The following HERC2 variants were observed in gnomAD, a reference collection of about 807,000 sequenced individuals.
The protein encoded by HERC2 is HECT and RLD domain containing E3 ubiquitin protein ligase 2, also known as E3 ubiquitin-protein ligase HERC2.
HERC2 carries 102 observed loss-of-function variants against 537.7 expected under a neutral mutation model. The ratio of observed to expected loss-of-function variants is 0.19; its 90% confidence interval spans 0.16 to 0.22. HERC2 has a LOEUF of 0.22. HERC2 is among the 10% of genes least tolerant of loss of function. The pLI is 1.00. For missense variants in HERC2, 4,236 were observed against 6,198.2 expected (o/e 0.68, Z 10.63); for synonymous variants, 2,224 against 2,466.2 (o/e 0.90, Z 2.91).
intron 37 of HERC2, 29 bp downstream of exon 37, chr15:28,220,423 T>C: frequency 1.2e-6 from 2 of 1,600,806 alleles, no homozygotes; most frequent in East Asian, 4.5e-5. Context: ...TGGGCTGCCT[T>C]GGACTAAACA....
intron 69 of HERC2, among the ~76,000 whole-genome samples, chr15:28,159,887 T>C (rs1893400258): frequency 1.3e-5 from 2 of 152,234 alleles, no homozygotes; most frequent in African/African-American, 2.4e-5. Context: ...TCTTTGATGA[T>C]GGTGATGTAC....
At position 28,146,363 on chromosome 15, in the gene HERC2, C is replaced by G; in HGVS notation, c.10901-19G>C. 4.5e-6 allele frequency: 7 copies of G among 1,545,728 alleles called. No homozygotes were observed. Among genetic ancestry groups the G allele is most frequent in the Non-Finnish European group, 6.3e-6 (7 of 1,117,854 alleles). ...TCTGCACCTGAAGGACAGGCAAGCA[C>G]AAAACATAGCAACCACTCCAGATCA... On this transcript the variant is annotated intron_variant, in intron 70 of 92. Transcript: ENST00000261609.
At chr15:28,182,922 T>C (rs1222129711) in intron 56 of HERC2, among the ~76,000 whole-genome samples, 1 of 152,164 alleles carries the variant, frequency 6.6e-6, no homozygotes, top group East Asian at 1.9e-4. Flanking sequence ...GGTCTGGCCT[T>C]GCAGCACTAT....
intron 69 of HERC2, among the ~76,000 whole-genome samples, chr15:28,154,844 C>T (rs1230022003): frequency 6.6e-6 from 1 of 152,000 alleles, no homozygotes; most frequent in Non-Finnish European, 1.5e-5. Flanking sequence ...TACACATGTG[C>T]CATGTTGTTG....
intron 45 of HERC2, among the ~76,000 whole-genome samples, chr15:28,204,360 A>T (rs1596216931): frequency 6.6e-6 from 1 of 152,302 alleles, no homozygotes; most frequent in South Asian, 2.1e-4. Context: ...GGTGGCTCAC[A>T]CCTGTAATCC....
chr15:28,177,460 C>G lies in HERC2; in HGVS notation c.9213G>C (p.Trp3071Cys). ...CAAGTTTTCCATCGTCACCTTCGCC[C>G]CACGAAAACACTTTTCCATCGACAG... ...ALTVDGKVFS[W>C]GEGDDGKLGH... The change falls in exon 60 of 93, where the codon TGG becomes TGC. Residue 3071 changes from tryptophan (W) to cysteine (C), a missense_variant. Coordinates refer to ENST00000261609, the MANE Select transcript of HERC2 (RefSeq NM_004667.6). The surrounding 1 kb of genome is among the most constrained non-coding windows in gnomAD (Gnocchi z 5.0). 6.2e-7 allele frequency: 1 copy of G among 1,614,230 alleles called. No individual in the cohort carries two copies. Among genetic ancestry groups the G allele is most frequent in the Non-Finnish European group, 8.5e-7 (1 of 1,180,040 alleles).
intron 2 of HERC2, among the ~76,000 whole-genome samples, chr15:28,301,735 GTATATATATATATA>G (rs55977156): frequency 0.017 from 617 of 35,382 alleles, 22 homozygotes; most frequent in African/African-American, 0.041. Flanking sequence ...GTATGTATGT[GTATATATATATATA>G]TATATATATA....
chr15:28,197,337 C>T (rs1266991191), intron 50 of HERC2, among the ~76,000 whole-genome samples: 1 of 152,194 alleles, frequency 6.6e-6, no homozygotes, highest in Non-Finnish European at 1.5e-5. Flanking sequence ...TCAAAGTGTG[C>T]CACGGATTTG....
chr15:28,180,279 A>T (rs1895703100), intron 57 of HERC2, among the ~76,000 whole-genome samples: 1 of 152,244 alleles, frequency 6.6e-6, no homozygotes, highest in Non-Finnish European at 1.5e-5. Flanking sequence ...GCTATACCAT[A>T]TAGCCTGAGT....
chr15:28,178,485 C>T (rs894390885), intron 59 of HERC2, among the ~76,000 whole-genome samples: 2 of 152,188 alleles, frequency 1.3e-5, no homozygotes, highest in African/African-American at 2.4e-5. Context: ...CACTGAGCCC[C>T]GTTCAGCATA....
At chr15:28,189,894 A>G (rs1341522410) in intron 55 of HERC2, among the ~76,000 whole-genome samples, 1 of 152,244 alleles carries the variant, frequency 6.6e-6, no homozygotes, top group Non-Finnish European at 1.5e-5. Flanking sequence ...CATCAGTTAT[A>G]AACTTTAAAT....
chr15:28,307,703 G>C (rs911379624), intron 2 of HERC2, among the ~76,000 whole-genome samples: 1 of 152,206 alleles, frequency 6.6e-6, no homozygotes, highest in East Asian at 1.9e-4. Context: ...GATCAGAGAA[G>C]ATACTTAACA....
chr15:28,304,210 T>C (rs1210578987), intron 2 of HERC2, among the ~76,000 whole-genome samples: 7 of 149,976 alleles, frequency 4.7e-5, no homozygotes, highest in African/African-American at 1.7e-4. Flanking sequence ...ATGCTACAGA[T>C]TTTTGTATGT....
chr15:28,230,342 C>T (rs748378661), intron 31 of HERC2, 25 bp downstream of exon 31: 4 of 1,581,620 alleles, frequency 2.5e-6, no homozygotes. Context: ...TTCAGCCAAC[C>T]TCAGAATCAC....
rs965961923 is a variant in HERC2, at chr15:28,191,036, G to A, written c.8578C>T (p.Leu2860Phe). Residue 2860 changes from leucine to phenylalanine, a missense_variant, in exon 55 of 93, where the codon CTT becomes TTT. Around this residue, in one of 27 missense-constraint regions of HERC2, gnomAD observed 606 missense variants for 884.5 expected, o/e 0.69. Transcript: ENST00000261609. ...VVSGGNSLNN[L>F]IELKTININP... Reference sequence around the variant, plus strand: ...ATATTGATTGTCTTTAGTTCAATAAGGTTATTCAGGGAATTTCCACCTAGG... The same window carrying A: ...ATATTGATTGTCTTTAGTTCAATAAAGTTATTCAGGGAATTTCCACCTAGG... 6.2e-7 allele frequency: 1 copy of A among 1,612,024 alleles called. No individual in the cohort carries two copies. The highest frequency in any genetic ancestry group is 1.3e-5 in the African/African-American group (1 of 74,872).
intron 45 of HERC2, among the ~76,000 whole-genome samples, chr15:28,204,584 C>A (rs1053425661): frequency 2.7e-5 from 4 of 147,918 alleles, no homozygotes; most frequent in African/African-American, 1.0e-4. Flanking sequence ...CACGCCACTG[C>A]ACTCCAGCCT....
intron 16 of HERC2, among the ~76,000 whole-genome samples, chr15:28,260,277 T>C (rs2075384133): frequency 6.6e-6 from 1 of 152,220 alleles, no homozygotes; most frequent in Admixed American, 6.5e-5. Context: ...GACCATTTCA[T>C]TTGAGAAGAT....
At position 28,113,287 on chromosome 15, in the gene HERC2, C is replaced by T. The variant is rs371858439; in HGVS notation, c.14020-4G>A. ...GGATGTCAGGGCTGCCACACACCTG[C>T]GGGAGGATGTCTGTCAGGGCCGCGT... On this transcript the variant is annotated splice_polypyrimidine_tract_variant and splice_region_variant and intron_variant, in intron 91 of 92. Transcript: ENST00000261609. The surrounding 1 kb of genome is among the most constrained non-coding windows in gnomAD (Gnocchi z 7.0). The T allele has an allele frequency of 7.3e-5, 118 of 1,613,702 alleles. No individual in the cohort carries two copies. The highest frequency in any genetic ancestry group is 9.9e-5 in the South Asian group (9 of 91,084).
intron 2 of HERC2, among the ~76,000 whole-genome samples, chr15:28,304,702 ATTT>A (rs780900477): frequency 0.021 from 2,327 of 108,432 alleles, 7 homozygotes; most frequent in African/African-American, 0.073. Context: ...AAGGGCTTCC[ATTT>A]TTTTTTTTTT....
Sources: gnomAD v4.1 joint callset for allele counts (sites outside exome capture counted in the v4.1 genomes callset) on GRCh38, gnomAD v4.1.1 for gene constraint, gnomAD v4.1.1 regional missense constraint, Gnocchi (gnomAD v3.1) non-coding constraint, MANE v1.5 for transcripts, NCBI Gene and HGNC (gene_info 2026-07-23, HGNC 2026-07-21) for gene names.